The following FAM171A1 variants were observed in gnomAD, a reference collection of about 807,000 sequenced individuals.
The protein encoded by FAM171A1 is protein FAM171A1.
FAM171A1 carries 23 observed loss-of-function variants against 74.9 expected under a neutral mutation model. That is an observed-to-expected ratio of 0.31 (90% confidence interval 0.22 to 0.44). The LOEUF (loss-of-function observed/expected upper bound fraction) is 0.44. FAM171A1 is among the 20% of genes least tolerant of loss of function. The pLI, the probability that FAM171A1 is intolerant of heterozygous loss-of-function variation, is 1.00. For missense variants in FAM171A1, 1,162 were observed against 1,159.2 expected, an observed-to-expected ratio of 1.00 and a Z score of -0.03; for synonymous variants, 527 against 505.7, an observed-to-expected ratio of 1.04 and a Z score of -0.57.
upstream of FAM171A1, among the ~76,000 whole-genome samples, chr10:15,373,917 T>C (rs1836176497): frequency 6.6e-6 from 1 of 152,178 alleles, no homozygotes; most frequent in Non-Finnish European, 1.5e-5. Context: ...TGCCTTATTT[T>C]GTTGTTGTTG....
At chr10:15,317,455 G>A (rs952950488) in intron 1 of FAM171A1, among the ~76,000 whole-genome samples, 13 of 152,116 alleles carry the variant, frequency 8.5e-5, no homozygotes, top group Admixed American at 3.3e-4. Flanking sequence ...GAGTGTAGTG[G>A]TACGATCTCA....
At chr10:15,320,320 A>G (rs1352309963) in intron 1 of FAM171A1, among the ~76,000 whole-genome samples, 1 of 152,238 alleles carries the variant, frequency 6.6e-6, no homozygotes, top group African/African-American at 2.4e-5. Context: ...TAACGGCTGC[A>G]TAGTATTCCA....
At chr10:15,363,251 G>T (rs1034926540) in intron 1 of FAM171A1, among the ~76,000 whole-genome samples, 1 of 152,222 alleles carries the variant, frequency 6.6e-6, no homozygotes, top group Non-Finnish European at 1.5e-5. Flanking sequence ...GGGCAAAAGG[G>T]ACATACTTCG....
At chr10:15,337,179 C>T (rs6602840) in intron 1 of FAM171A1, among the ~76,000 whole-genome samples, 82,355 of 151,902 alleles carry the variant, frequency 0.54, 22,520 homozygotes, top group East Asian at 0.8. Flanking sequence ...CCGAACCTGG[C>T]TGCTATCACC....
intron 1 of FAM171A1, among the ~76,000 whole-genome samples, chr10:15,360,664 G>A (rs537609398): frequency 3.3e-5 from 5 of 152,336 alleles, no homozygotes; most frequent in East Asian, 1.9e-4. Flanking sequence ...GTTATCACAC[G>A]GATAAGCAGA....
intron 1 of FAM171A1, among the ~76,000 whole-genome samples, chr10:15,325,567 G>C (rs1194091035): frequency 6.6e-6 from 1 of 152,052 alleles, no homozygotes; most frequent in Admixed American, 6.6e-5. Context: ...CCTTTCTGTG[G>C]ACCCCAGATA....
At position 15,214,114 on chromosome 10, in the gene FAM171A1, C is replaced by T. The variant is rs139429894; in HGVS notation, c.1474G>A (p.Val492Met). 1.1e-4 allele frequency: 172 copies of T among 1,613,996 alleles called. No homozygotes were observed. The African/African-American group carries it at 1.7e-3, about 16-fold the overall frequency. Reference sequence around the variant, plus strand: ...TTTTCAAATAAAGGCTGTGAGAGCACGGTGTTGTAACTACCCCTGTAGTCA... The same window carrying T: ...TTTTCAAATAAAGGCTGTGAGAGCATGGTGTTGTAACTACCCCTGTAGTCA... ...NDDYRGSYNT[V>M]LSQPLFEKQD... is the part of the protein sequence containing the mutation. The change falls in exon 8 of 8, where the codon GTG becomes ATG. Residue 492 changes from valine (V) to methionine (M), a missense_variant. Val to Met is a conservative substitution (Grantham distance 21). Transcript: ENST00000378116.
At position 15,269,444 on chromosome 10, in the gene FAM171A1, T is replaced by G. The variant is rs115272015; in HGVS notation, c.418+6411A>C. On this transcript the variant is annotated intron_variant, in intron 3 of 7. Transcript: ENST00000378116. ...AGGCCATGATTTAGATGGAATAGTATGCTCTTAGCACAGAAATGCATTTTA... is the reference window on the plus strand; with the variant it reads ...AGGCCATGATTTAGATGGAATAGTAGGCTCTTAGCACAGAAATGCATTTTA... 4.0e-3 allele frequency among the ~76,000 whole-genome samples: 607 copies of G among 152,226 alleles called. 5 individuals carry two copies. Among genetic ancestry groups the G allele is most frequent in the African/African-American group, 0.014 (583 of 41,528 alleles).
chr10:15,311,086 T>G (rs1363640957), intron 1 of FAM171A1, among the ~76,000 whole-genome samples: 2 of 152,218 alleles, frequency 1.3e-5, no homozygotes, highest in African/African-American at 2.4e-5. Context: ...CTGCTCTTCA[T>G]GCAGTTACAG....
rs117687061 is a variant in FAM171A1 at position 15,285,661 on chromosome 10, A to G, written c.98-1556T>C. ...CAAGCAGCTGGTGTGATGTATGTCCACCTGGTCACTTGCAGGCACCACATG... is the reference window on the plus strand; with the variant it reads ...CAAGCAGCTGGTGTGATGTATGTCCGCCTGGTCACTTGCAGGCACCACATG... On this transcript the variant is annotated intron_variant, in intron 1 of 7. Coordinates refer to ENST00000378116, the MANE Select transcript of FAM171A1 (RefSeq NM_001010924.2). 1.7e-3 allele frequency among the ~76,000 whole-genome samples: 253 copies of G among 152,332 alleles called. 1 individual carries two copies. Among genetic ancestry groups the G allele is most frequent in the South Asian group, 2.7e-3 (13 of 4,830 alleles).
intron 5 of FAM171A1, among the ~76,000 whole-genome samples, chr10:15,224,736 C>T (rs928792523): frequency 6.6e-6 from 1 of 152,148 alleles, no homozygotes; most frequent in African/African-American, 2.4e-5. Flanking sequence ...ATTGTGAGGC[C>T]TCCCCAGCCA....
intron 1 of FAM171A1, among the ~76,000 whole-genome samples, chr10:15,331,485 C>A (rs1170532886): frequency 6.6e-6 from 1 of 152,070 alleles, no homozygotes. Flanking sequence ...TTGTGCTGGA[C>A]ACCAAAGGCG....
intron 1 of FAM171A1, among the ~76,000 whole-genome samples, chr10:15,342,573 G>C (rs1445479245): frequency 6.6e-6 from 1 of 152,034 alleles, no homozygotes; most frequent in Non-Finnish European, 1.5e-5. Context: ...GTCTCAAACA[G>C]AGGCTCTGTC....
At chr10:15,342,020 T>C (rs1835770202) in intron 1 of FAM171A1, among the ~76,000 whole-genome samples, 1 of 152,208 alleles carries the variant, frequency 6.6e-6, no homozygotes, top group Non-Finnish European at 1.5e-5. Context: ...GATCCACTAG[T>C]TCTGCAGCAG....
chr10:15,284,898 C>A (rs1181431587), intron 1 of FAM171A1, among the ~76,000 whole-genome samples: 4 of 144,486 alleles, frequency 2.8e-5, no homozygotes, highest in African/African-American at 2.6e-5. Context: ...AGGGAGGACC[C>A]AAAGAGTAGA....
At chr10:15,303,651 C>T (rs1355018960) in intron 1 of FAM171A1, among the ~76,000 whole-genome samples, 1 of 152,168 alleles carries the variant, frequency 6.6e-6, no homozygotes, top group Non-Finnish European at 1.5e-5. Flanking sequence ...ACAGAGGCTC[C>T]GCCATTATTT....
At chr10:15,327,036 CTCAAGTACTGA>C (rs752645236) in intron 1 of FAM171A1, among the ~76,000 whole-genome samples, 3 of 152,184 alleles carry the variant, frequency 2.0e-5, no homozygotes, top group Non-Finnish European at 4.4e-5. Context: ...TCTTTCCTCC[CTCAAGTACTGA>C]TCAAAAATTA....
chr10:15,307,210 G>T (rs563153164), intron 1 of FAM171A1, among the ~76,000 whole-genome samples: 1 of 152,124 alleles, frequency 6.6e-6, no homozygotes, highest in Non-Finnish European at 1.5e-5. Context: ...CCATTTGCTT[G>T]CAGGGTGCAA....
At chr10:15,245,333 C>G (rs1834418482) in intron 5 of FAM171A1, among the ~76,000 whole-genome samples, 1 of 152,198 alleles carries the variant, frequency 6.6e-6, no homozygotes, top group Non-Finnish European at 1.5e-5. Flanking sequence ...TCCCAAAGTG[C>G]TGGTATTACA....
Sources: allele counts gnomAD v4.1 joint callset (sites outside exome capture counted in the v4.1 genomes callset), GRCh38; gene constraint gnomAD v4.1.1; transcripts MANE v1.5; gene names NCBI Gene and HGNC (gene_info 2026-07-23, HGNC 2026-07-21).